MGAT4C: variants seen among roughly 807,000 people sequenced by gnomAD.
MGAT4C encodes the protein MGAT4 family member C, also known as alpha-1,3-mannosyl-glycoprotein 4-beta-N-acetylglucosaminyltransferase C.
A neutral mutation model predicts 40.1 loss-of-function variants in MGAT4C; 19 were observed. That is an observed-to-expected ratio of 0.47 (90% CI 0.33 to 0.70). MGAT4C has a LOEUF of 0.70. MGAT4C is among the 30% of genes least tolerant of loss of function. The pLI, the probability that MGAT4C is intolerant of heterozygous loss-of-function variation, is 0.02. For missense variants in MGAT4C, 491 were observed against 563.2 expected (o/e 0.87, Z 1.30); for synonymous variants, 181 against 187.1 (o/e 0.97, Z 0.27).
rs1168372884 is a variant in MGAT4C, at chr12:85,970,451, G to T, written c.*8838C>A. The T allele has an allele frequency of 6.6e-6, 1 of 151,284 alleles. No homozygotes were observed. The highest frequency in any genetic ancestry group is 2.1e-4 in the South Asian group (1 of 4,814). 9.4% of individuals were successfully genotyped at this position (151,284 alleles called of 1,614,324 possible). A position where few individuals can be genotyped will look rare whatever the true frequency, so the allele number is the denominator to read the frequency against. On this transcript the variant is annotated 3_prime_UTR_variant, in exon 5 of 5. Coordinates refer to ENST00000611864, the MANE Select transcript of MGAT4C (RefSeq NM_001351288.2). Reference sequence around the variant, plus strand: ...AACTGTTAAATTGATTATGAACGTAGGCACATTACTTATAAATCCCCTTAT... The same window carrying T: ...AACTGTTAAATTGATTATGAACGTATGCACATTACTTATAAATCCCCTTAT...
rs1468954582 is a variant in MGAT4C at position 86,525,163 on chromosome 12, C to T, written c.-228-89898G>A. Among the ~76,000 whole-genome samples, 3 of 152,174 alleles carry T rather than the reference C, an allele frequency of 2.0e-5. No homozygotes were observed. In the East Asian group the frequency reaches 5.8e-4, roughly 29 times the overall value. On this transcript the variant is annotated intron_variant, in intron 2 of 7. Transcript: ENST00000548651. ...AGAGGAGGGACCTGGTGAGAAGTAACTGAATCATGGACGCAGTTTCCTCCA... is the reference window on the plus strand; with the variant it reads ...AGAGGAGGGACCTGGTGAGAAGTAATTGAATCATGGACGCAGTTTCCTCCA...
chr12:86,828,985 T>G (rs1952864371), intron 1 of MGAT4C, among the ~76,000 whole-genome samples: 1 of 151,624 alleles, frequency 6.6e-6, no homozygotes, highest in African/African-American at 2.4e-5. Flanking sequence ...TAAAGAATTC[T>G]ATGGTATATA....
chr12:86,701,634 T>C (rs1225359976), intron 2 of MGAT4C, among the ~76,000 whole-genome samples: 1 of 152,116 alleles, frequency 6.6e-6, no homozygotes, highest in Non-Finnish European at 1.5e-5. Flanking sequence ...TCTCTAAGGG[T>C]TGAAGTAAAA....
intron 1 of MGAT4C, among the ~76,000 whole-genome samples, chr12:86,777,213 A>G (rs11104082): frequency 0.062 from 9,413 of 152,222 alleles, 341 homozygotes; most frequent in Middle Eastern, 0.16. Flanking sequence ...TGATGTTTTG[A>G]AGTATATATT....
At chr12:86,009,491 C>T (rs1405854022) in intron 2 of MGAT4C, among the ~76,000 whole-genome samples, 1 of 152,132 alleles carries the variant, frequency 6.6e-6, no homozygotes, top group East Asian at 1.9e-4. Flanking sequence ...GTCTCTTCAA[C>T]TCAGAGAAAT....
At chr12:86,039,102 G>A (rs1227822150) in intron 2 of MGAT4C, among the ~76,000 whole-genome samples, 1 of 131,812 alleles carries the variant, frequency 7.6e-6, no homozygotes, top group Non-Finnish European at 1.8e-5. Flanking sequence ...TAGTCTGATG[G>A]GCTTCCCTTT....
chr12:86,752,599 TAAC>T (rs1951243807), intron 1 of MGAT4C, among the ~76,000 whole-genome samples: 1 of 152,084 alleles, frequency 6.6e-6, no homozygotes, highest in Non-Finnish European at 1.5e-5. Flanking sequence ...ATCAATATCT[TAAC>T]AATATTTAAT....
intron 3 of MGAT4C, among the ~76,000 whole-genome samples, chr12:86,373,764 G>T (rs569947607): frequency 1.1e-4 from 16 of 151,684 alleles, no homozygotes; most frequent in Non-Finnish European, 1.9e-4. Flanking sequence ...ATAGGCAAAA[G>T]ACTTGAACTA....
intron 1 of MGAT4C, among the ~76,000 whole-genome samples, chr12:86,806,430 CTG>C (rs762478208): frequency 1.8e-4 from 27 of 147,556 alleles, no homozygotes; most frequent in African/African-American, 4.7e-4. Context: ...TTACTTACAT[CTG>C]TGTGTGTGTG....
intron 2 of MGAT4C, among the ~76,000 whole-genome samples, chr12:86,018,250 C>A (rs1013840641): frequency 2.0e-5 from 3 of 152,112 alleles, no homozygotes; most frequent in Non-Finnish European, 4.4e-5. Context: ...CGTTAATCTA[C>A]CCCAAGGCAC....
intron 2 of MGAT4C, among the ~76,000 whole-genome samples, chr12:86,020,532 T>A (rs1056010691): frequency 5.9e-5 from 9 of 152,168 alleles, no homozygotes; most frequent in Non-Finnish European, 1.2e-4. Context: ...TGGCTAGCCA[T>A]ATGTAGAAAG....
chr12:86,753,248 C>G (rs565162878), intron 1 of MGAT4C, among the ~76,000 whole-genome samples: 1 of 152,098 alleles, frequency 6.6e-6, no homozygotes, highest in East Asian at 1.9e-4. Flanking sequence ...AAGGAACACC[C>G]GGCCTGCCCA....
At chr12:86,246,787 G>A (rs1158128478) in intron 1 of MGAT4C, among the ~76,000 whole-genome samples, 1 of 152,130 alleles carries the variant, frequency 6.6e-6, no homozygotes, top group Non-Finnish European at 1.5e-5. Flanking sequence ...GCTTGAACAT[G>A]ACTTCAACTC....
chr12:86,638,305 G>A (rs1027025027), intron 2 of MGAT4C, among the ~76,000 whole-genome samples: 8 of 151,744 alleles, frequency 5.3e-5, no homozygotes, highest in African/African-American at 1.9e-4. Context: ...TATGAGAAAG[G>A]CTTTTAGACA....
chr12:86,834,612 C>CCACACACACACACACACACACA (rs148269576), intron 1 of MGAT4C, among the ~76,000 whole-genome samples: 77 of 148,194 alleles, frequency 5.2e-4, no homozygotes, highest in Middle Eastern at 3.2e-3. Context: ...CCCCCAACCA[C>CCACACACACACACACACACACA]CACACACACA....
intron 2 of MGAT4C, among the ~76,000 whole-genome samples, chr12:86,695,871 AG>A (rs879737623): frequency 2.0e-5 from 3 of 152,106 alleles, no homozygotes; most frequent in African/African-American, 4.8e-5. Flanking sequence ...ATAGCACAAC[AG>A]GGTGACTATC....
chr12:86,531,545 T>C (rs1461818783), intron 2 of MGAT4C, among the ~76,000 whole-genome samples: 2 of 152,050 alleles, frequency 1.3e-5, no homozygotes, highest in African/African-American at 2.4e-5. Flanking sequence ...AGACAGCAAA[T>C]TGCATATTTA....
intron 2 of MGAT4C, among the ~76,000 whole-genome samples, chr12:86,659,266 T>C (rs1456135319): frequency 3.9e-5 from 6 of 152,078 alleles, no homozygotes; most frequent in Non-Finnish European, 7.4e-5. Flanking sequence ...CCCCAGTGTC[T>C]AGTTCAGTTA....
chr12:86,628,778 G>A (rs1433702297), intron 2 of MGAT4C, among the ~76,000 whole-genome samples: 1 of 152,298 alleles, frequency 6.6e-6, no homozygotes, highest in East Asian at 1.9e-4. Flanking sequence ...ACCAGTGCAA[G>A]CCACTGCAAA....
Sources: allele counts gnomAD v4.1 joint callset (sites outside exome capture counted in the v4.1 genomes callset), GRCh38; gene constraint gnomAD v4.1.1; transcripts MANE v1.5; gene names NCBI Gene and HGNC (gene_info 2026-07-23, HGNC 2026-07-21).